SPOCK1: variants seen among roughly 807,000 people sequenced by gnomAD.
The protein encoded by SPOCK1 is SPARC (osteonectin), cwcv and kazal like domains proteoglycan 1, also known as testican-1.
Under a neutral mutation model 55.3 loss-of-function variants are expected in SPOCK1, and 23 were observed. The ratio of observed to expected loss-of-function variants is 0.42; its 90% CI spans 0.30 to 0.59. SPOCK1 has a LOEUF of 0.59. Among genes scored for constraint, SPOCK1 ranks in the 20% least tolerant of loss-of-function variants. The probability of loss-of-function intolerance (pLI) is 0.22; values close to 1 mark genes in which losing one functional copy is unlikely to be tolerated. For missense variants in SPOCK1, 499 were observed against 552.5 expected (o/e 0.90, Z 0.97); for synonymous variants, 226 against 221.0 (o/e 1.02, Z -0.20).
intron 2 of SPOCK1, among the ~76,000 whole-genome samples, chr5:137,486,950 T>C (rs1298195540): frequency 6.6e-6 from 1 of 152,164 alleles, no homozygotes; most frequent in Non-Finnish European, 1.5e-5. Context: ...CAGATGAAAG[T>C]ACTGACACAA....
intron 6 of SPOCK1, among the ~76,000 whole-genome samples, chr5:137,060,647 G>C (rs1752379979): frequency 6.6e-6 from 1 of 151,686 alleles, no homozygotes; most frequent in Non-Finnish European, 1.5e-5. Context: ...AAAAAAAACA[G>C]TAAGTGCAGG....
chr5:137,296,252 C>T lies in SPOCK1; in HGVS notation c.187-29197G>A, dbSNP rs187286673. ...ACCCAACATATGGTATTGTTGTTACCGTGGCCTGAACAGACTAAGTCAGAA... is the reference window on the plus strand; with the variant it reads ...ACCCAACATATGGTATTGTTGTTACTGTGGCCTGAACAGACTAAGTCAGAA... On this transcript the variant is annotated intron_variant, in intron 2 of 10. Coordinates refer to ENST00000394945, the MANE Select transcript of SPOCK1 (RefSeq NM_004598.4). Among the ~76,000 whole-genome samples the T allele has an allele frequency of 6.6e-5, 10 of 152,210 alleles. No individual in the cohort carries two copies. In the East Asian group the frequency reaches 1.2e-3, roughly 18 times the overall value.
chr5:136,981,509 C>T (rs1411185586), intron 9 of SPOCK1, among the ~76,000 whole-genome samples: 2 of 152,076 alleles, frequency 1.3e-5, no homozygotes, highest in African/African-American at 2.4e-5. Flanking sequence ...ATTTGGTACA[C>T]CATGCTTTCA....
At chr5:137,074,041 A>C (rs1752675694) in intron 5 of SPOCK1, among the ~76,000 whole-genome samples, 1 of 152,180 alleles carries the variant, frequency 6.6e-6, no homozygotes, top group Non-Finnish European at 1.5e-5. Flanking sequence ...ACTGTATTAA[A>C]AAGGTTGAAC....
intron 2 of SPOCK1, among the ~76,000 whole-genome samples, chr5:137,300,720 C>T (rs1757572953): frequency 6.6e-6 from 1 of 152,134 alleles, no homozygotes; most frequent in African/African-American, 2.4e-5. Flanking sequence ...TCTGTGGTTC[C>T]GTCCTTTCTG....
intron 2 of SPOCK1, among the ~76,000 whole-genome samples, chr5:137,311,030 C>T (rs963978290): frequency 5.9e-5 from 9 of 152,284 alleles, no homozygotes; most frequent in Admixed American, 3.9e-4. Context: ...AGCAAACCTC[C>T]GGAAGGCCAG....
chr5:137,412,126 T>C (rs1324543417), intron 2 of SPOCK1, among the ~76,000 whole-genome samples: 2 of 152,096 alleles, frequency 1.3e-5, no homozygotes, highest in Non-Finnish European at 2.9e-5. Flanking sequence ...TGCAACAGTG[T>C]CCTCATGTAT....
chr5:137,155,434 C>CT (rs1304115742), intron 3 of SPOCK1, among the ~76,000 whole-genome samples: 1 of 152,178 alleles, frequency 6.6e-6, no homozygotes, highest in African/African-American at 2.4e-5. Flanking sequence ...CACTTGGCCT[C>CT]TATTGTTGCC....
chr5:137,304,190 C>T (rs947376227), intron 2 of SPOCK1, among the ~76,000 whole-genome samples: 1 of 152,052 alleles, frequency 6.6e-6, no homozygotes, highest in Non-Finnish European at 1.5e-5. Context: ...GAGAAAACCA[C>T]AGTCAAAATT....
chr5:137,277,055 C>T (rs1348278720), intron 2 of SPOCK1, among the ~76,000 whole-genome samples: 3 of 152,062 alleles, frequency 2.0e-5, no homozygotes, highest in Admixed American at 2.0e-4. Context: ...CTTGCCATCA[C>T]TCAGGCTGAA....
At chr5:137,494,933 G>C (rs1754268119) in intron 2 of SPOCK1, among the ~76,000 whole-genome samples, 1 of 152,222 alleles carries the variant, frequency 6.6e-6, no homozygotes, top group African/African-American at 2.4e-5. Flanking sequence ...CTCAAGCCAT[G>C]GAGGAGTTAA....
intron 2 of SPOCK1, among the ~76,000 whole-genome samples, chr5:137,491,107 C>T (rs1277999826): frequency 6.6e-6 from 1 of 152,226 alleles, no homozygotes; most frequent in African/African-American, 2.4e-5. Context: ...AGTCCTCCCC[C>T]AGAGCCCCAC....
chr5:137,263,154 T>C (rs1184672488), intron 3 of SPOCK1, among the ~76,000 whole-genome samples: 2 of 151,800 alleles, frequency 1.3e-5, no homozygotes, highest in Admixed American at 1.3e-4. Context: ...CCTCTGAGTA[T>C]CTGATAGGTG....
chr5:137,427,892 G>A (rs998480019), intron 2 of SPOCK1, among the ~76,000 whole-genome samples: 8 of 138,700 alleles, frequency 5.8e-5, no homozygotes, highest in Non-Finnish European at 1.2e-4. Flanking sequence ...CTGGGTGACA[G>A]AGCAAGACTC....
intron 2 of SPOCK1, among the ~76,000 whole-genome samples, chr5:137,300,164 C>T (rs969760128): frequency 3.3e-5 from 5 of 152,078 alleles, no homozygotes; most frequent in African/African-American, 1.2e-4. Context: ...TTTCTTCTGC[C>T]ATTTCCAAAC....
chr5:137,339,971 C>T (rs1377428663), intron 2 of SPOCK1, among the ~76,000 whole-genome samples: 1 of 152,180 alleles, frequency 6.6e-6, no homozygotes, highest in East Asian at 1.9e-4. Context: ...CACATGCCAG[C>T]TTCTGACTTC....
intron 2 of SPOCK1, among the ~76,000 whole-genome samples, chr5:137,282,167 A>C (rs553510262): frequency 3.9e-5 from 6 of 152,232 alleles, no homozygotes; most frequent in African/African-American, 1.4e-4. Flanking sequence ...AGTTGACCCC[A>C]GTATATCCTC....
chr5:137,113,582 GT>G (rs1319092617), intron 4 of SPOCK1, among the ~76,000 whole-genome samples: 17 of 152,144 alleles, frequency 1.1e-4, no homozygotes, highest in Admixed American at 1.1e-3. Flanking sequence ...ACAAATCTCA[GT>G]TTCTTCATTA....
chr5:137,196,060 C>A (rs921162020), intron 3 of SPOCK1, among the ~76,000 whole-genome samples: 2 of 152,142 alleles, frequency 1.3e-5, no homozygotes, highest in African/African-American at 2.4e-5. Flanking sequence ...CAGGGCAATG[C>A]GAAATGCTGT....
Sources: allele counts gnomAD v4.1 joint callset (sites outside exome capture counted in the v4.1 genomes callset), GRCh38; gene constraint gnomAD v4.1.1; transcripts MANE v1.5; gene names NCBI Gene and HGNC (gene_info 2026-07-23, HGNC 2026-07-21).